Variants in ASCC3 observed in about 807,000 individuals in gnomAD.
ASCC3 encodes activating signal cointegrator 1 complex subunit 3, also known as ASC-1 complex subunit P200.
Under a neutral mutation model 256.3 loss-of-function variants are expected in ASCC3, and 158 were observed. The observed-to-expected ratio is 0.62, with a 90% CI of 0.54 to 0.70. The LOEUF (loss-of-function observed/expected upper bound fraction) is 0.70. ASCC3 is among the 30% of genes least tolerant of loss of function. The pLI is 0.00. For synonymous variants in ASCC3, 948 were observed against 883.4 expected (o/e 1.07, Z -1.30); for missense variants, 2,259 against 2,626.0 (o/e 0.86, Z 3.05).
chr6:100,847,625 C>T (rs1217093887), intron 4 of ASCC3, among the ~76,000 whole-genome samples: 3 of 152,082 alleles, frequency 2.0e-5, no homozygotes, highest in African/African-American at 7.2e-5. Context: ...ATGTTACTTA[C>T]CATTTTGCAT....
At chr6:100,530,887 C>A in intron 37 of ASCC3, 1 of 1,281,042 alleles carries the variant, frequency 7.8e-7, no homozygotes, top group Non-Finnish European at 1.1e-6. Context: ...TGGAACATCA[C>A]AAACAATCAA....
At position 100,512,779 on chromosome 6, in the gene ASCC3, A is replaced by G. The variant is rs865789609; in HGVS notation, c.6215T>C (p.Ile2072Thr). 2 of 1,614,112 alleles carry G rather than the reference A, an allele frequency of 1.2e-6. No homozygotes were observed. The highest frequency in any genetic ancestry group is 1.7e-5 in the Admixed American group (1 of 60,004). Residue 2072 changes from isoleucine to threonine, a missense_variant, in exon 40 of 42, where the codon ATC becomes ACC. Physicochemically the swap from Ile to Thr is moderately conservative, Grantham distance 89. Transcript: ENST00000369162. ...ATACTCTTGGTCAGCATGCAATTTG[A>G]TCCATTTGTTGTCATCTCGTTTGTC... is the stretch of plus-strand genomic sequence containing the variant. ...TADKRDDNKW[I>T]KLHADQEYVL...
intron 8 of ASCC3, among the ~76,000 whole-genome samples, chr6:100,767,910 C>T (rs9399688): frequency 0.39 from 59,352 of 151,812 alleles, 12,864 homozygotes; most frequent in Middle Eastern, 0.56. Flanking sequence ...GCCACCGCAC[C>T]CGGCCAGAAT....
chr6:100,516,362 T>C, intron 38 of ASCC3, 35 bp from the exon 39 acceptor site: 1 of 1,612,684 alleles, frequency 6.2e-7, no homozygotes, highest in Non-Finnish European at 8.5e-7. Flanking sequence ...AAATAATTGT[T>C]TCACAGCACA....
intron 25 of ASCC3, among the ~76,000 whole-genome samples, chr6:100,636,603 C>T (rs1231494651): frequency 3.3e-5 from 5 of 152,078 alleles, no homozygotes; most frequent in African/African-American, 7.2e-5. Context: ...GAAGGCATGT[C>T]GAAAGCTGAG....
At chr6:100,852,090 G>C (rs9498409) in intron 3 of ASCC3, among the ~76,000 whole-genome samples, 1 of 152,134 alleles carries the variant, frequency 6.6e-6, no homozygotes, top group African/African-American at 2.4e-5. Context: ...AAGGACCCCA[G>C]GTGCTGGGGC....
At chr6:100,780,107 A>C (rs1203059680) in intron 8 of ASCC3, among the ~76,000 whole-genome samples, 1 of 152,212 alleles carries the variant, frequency 6.6e-6, no homozygotes, top group African/African-American at 2.4e-5. Flanking sequence ...ACACAAAAAC[A>C]TGTGAAATTA....
chr6:100,742,761 G>A (rs1269779933), intron 10 of ASCC3, among the ~76,000 whole-genome samples: 3 of 152,186 alleles, frequency 2.0e-5, no homozygotes, highest in African/African-American at 7.2e-5. Flanking sequence ...TGCAGAGAAG[G>A]CAGCCCCCAT....
intron 14 of ASCC3, among the ~76,000 whole-genome samples, chr6:100,670,821 C>T (rs934959735): frequency 2.6e-5 from 4 of 151,826 alleles, no homozygotes; most frequent in Non-Finnish European, 5.9e-5. Context: ...TTCACTGCTA[C>T]GAATTTTTCT....
At position 100,531,064 on chromosome 6, in the gene ASCC3, T is replaced by C. The variant is rs188251174; in HGVS notation, c.5775+9099A>G. The stretch of plus-strand genomic sequence containing the variant: ...GTACAACAGTGTAGCACTAAAGGAA[T>C]CTTCTAGAACGTACATAGTCTGTAC... On this transcript the variant is annotated intron_variant, in intron 37 of 41. Transcript: ENST00000369162. 14 of 1,470,924 alleles carry C rather than the reference T, an allele frequency of 9.5e-6. No individual in the cohort carries two copies. The South Asian group carries it at 1.0e-4, about 11-fold the overall frequency. 91.1% of individuals were successfully genotyped at this position (1,470,924 alleles called of 1,614,324 possible).
At chr6:100,615,271 C>T (rs1773610280) in intron 30 of ASCC3, among the ~76,000 whole-genome samples, 2 of 152,148 alleles carry the variant, frequency 1.3e-5, no homozygotes, top group African/African-American at 4.8e-5. Flanking sequence ...CCGTGCTCAG[C>T]CCAGCTACTG....
chr6:100,593,862 A>G (rs1018596915), intron 34 of ASCC3, among the ~76,000 whole-genome samples: 1 of 152,110 alleles, frequency 6.6e-6, no homozygotes, highest in African/African-American at 2.4e-5. Flanking sequence ...TTGAATCCAG[A>G]ACTCAATTTG....
intron 30 of ASCC3, among the ~76,000 whole-genome samples, chr6:100,620,086 T>C (rs1172512636): frequency 6.6e-6 from 1 of 152,152 alleles, no homozygotes; most frequent in Non-Finnish European, 1.5e-5. Flanking sequence ...TTGTTGTTTA[T>C]GGGCAGCCAG....
At chr6:100,742,540 G>A (rs1284845544) in intron 10 of ASCC3, among the ~76,000 whole-genome samples, 1 of 152,240 alleles carries the variant, frequency 6.6e-6, no homozygotes, top group Non-Finnish European at 1.5e-5. Context: ...GGAGAGATCA[G>A]AGCCCTGTCT....
intron 13 of ASCC3, among the ~76,000 whole-genome samples, chr6:100,682,022 T>C (rs865851029): frequency 7.2e-5 from 11 of 152,162 alleles, no homozygotes; most frequent in African/African-American, 2.4e-4. Flanking sequence ...TGAAGATTCA[T>C]CAGTTCAGAA....
At chr6:100,564,186 G>T (rs1365108862) in intron 36 of ASCC3, among the ~76,000 whole-genome samples, 2 of 151,294 alleles carry the variant, frequency 1.3e-5, no homozygotes, top group African/African-American at 4.9e-5. Flanking sequence ...AATGTAGAAT[G>T]ATCAAGTCAG....
At chr6:100,516,110 A>G in intron 39 of ASCC3, 70 bp downstream of exon 39, 1 of 1,600,420 alleles carries the variant, frequency 6.2e-7, no homozygotes, top group Non-Finnish European at 8.6e-7. Flanking sequence ...TCCATGCTCT[A>G]AGTTAGAAAA....
At chr6:100,598,077 C>T (rs984612238) in intron 34 of ASCC3, among the ~76,000 whole-genome samples, 1 of 151,558 alleles carries the variant, frequency 6.6e-6, no homozygotes, top group Non-Finnish European at 1.5e-5. Flanking sequence ...TAAGACTTGG[C>T]TAGCTGTAAG....
chr6:100,673,216 A>G (rs982633731), intron 14 of ASCC3, among the ~76,000 whole-genome samples: 2 of 152,262 alleles, frequency 1.3e-5, no homozygotes, highest in South Asian at 4.1e-4. Flanking sequence ...CTCATCTAAA[A>G]TTGCATTATT....
Sources: allele counts gnomAD v4.1 joint callset (sites outside exome capture counted in the v4.1 genomes callset), GRCh38; gene constraint gnomAD v4.1.1; transcripts MANE v1.5; gene names NCBI Gene and HGNC (gene_info 2026-07-23, HGNC 2026-07-21).